Variants in FHIP1A observed in about 807,000 individuals in gnomAD.
The protein encoded by FHIP1A is FHF complex subunit HOOK interacting protein 1A, also known as FHF complex subunit HOOK-interacting protein 1A.
A neutral mutation model predicts 88.6 loss-of-function variants in FHIP1A; 61 were observed. The observed-to-expected ratio is 0.69, with a 90% CI of 0.56 to 0.85. The LOEUF is 0.85. Among genes scored for constraint, FHIP1A ranks in the 40% least tolerant of loss-of-function variants. The pLI, the probability that FHIP1A is intolerant of heterozygous loss-of-function variation, is 0.00. For missense variants in FHIP1A, 1,154 were observed against 1,273.5 expected (o/e 0.91, Z 1.43); for synonymous variants, 478 against 496.0 (o/e 0.96, Z 0.48).
At chr4:151,513,284 A>G (rs1197188891) in intron 3 of FHIP1A, among the ~76,000 whole-genome samples, 1 of 152,224 alleles carries the variant, frequency 6.6e-6, no homozygotes, top group Non-Finnish European at 1.5e-5. Flanking sequence ...GCTTGCCCTA[A>G]AAGAGCTCCT....
chr4:151,418,983 C>A (rs528177008), intron 1 of FHIP1A, among the ~76,000 whole-genome samples: 1 of 152,130 alleles, frequency 6.6e-6, no homozygotes, highest in Non-Finnish European at 1.5e-5. Flanking sequence ...CTCATGTCAC[C>A]TATCATGGTC....
At chr4:151,608,957 G>T (rs762539887) in intron 7 of FHIP1A, among the ~76,000 whole-genome samples, 1 of 152,202 alleles carries the variant, frequency 6.6e-6, no homozygotes, top group Non-Finnish European at 1.5e-5. Flanking sequence ...ATGTGTTTCG[G>T]CCTCTAATGT....
At chr4:151,426,635 G>A (rs886884703) in intron 1 of FHIP1A, among the ~76,000 whole-genome samples, 1 of 152,148 alleles carries the variant, frequency 6.6e-6, no homozygotes, top group African/African-American at 2.4e-5. Context: ...CCAGGCAGAT[G>A]AAATCAAGAA....
At chr4:151,652,403 C>A (rs1737063108) in intron 11 of FHIP1A, among the ~76,000 whole-genome samples, 2 of 152,164 alleles carry the variant, frequency 1.3e-5, no homozygotes, top group Non-Finnish European at 2.9e-5. Context: ...TTAGGCTTAA[C>A]TTCTTCTCTC....
At chr4:151,581,689 A>G (rs1714822459) in intron 5 of FHIP1A, among the ~76,000 whole-genome samples, 1 of 152,150 alleles carries the variant, frequency 6.6e-6, no homozygotes, top group Non-Finnish European at 1.5e-5. Flanking sequence ...TGACAACATA[A>G]TTAAAAAAAA....
chr4:151,472,404 C>T (rs1474525403), intron 2 of FHIP1A, among the ~76,000 whole-genome samples: 1 of 152,008 alleles, frequency 6.6e-6, no homozygotes, highest in Non-Finnish European at 1.5e-5. Context: ...ATTGACTCAA[C>T]ACTTGGTCCA....
At position 151,645,226 on chromosome 4, in the gene FHIP1A, G is replaced by T. The variant is rs1736746418; in HGVS notation, c.1227-1332G>T. Among the ~76,000 whole-genome samples the T allele has an allele frequency of 2.0e-5, 3 of 152,196 alleles. No individual in the cohort carries two copies. The South Asian group carries it at 6.2e-4, about 32-fold the overall frequency. On this transcript the variant is annotated intron_variant, in intron 9 of 13. Transcript: ENST00000435205. ...TATCTGCCCATGGAGACAGTAGGAG[G>T]AGGGGATGAGGACCGCCTTACCTAG... is the stretch of plus-strand genomic sequence containing the variant.
intron 3 of FHIP1A, chr4:151,534,964 T>G (rs1311786352): frequency 6.6e-6 from 1 of 152,282 alleles, no homozygotes; most frequent in African/African-American, 2.4e-5. Context: ...ACACCTGTAA[T>G]TCCAGCACTT....
rs562989264 is a variant in FHIP1A, at chr4:151,620,890, AC to A, written c.979-8808del. Reference sequence around the variant, plus strand: ...TACACACCGAGAATAAAAAAAAAAAACCCCACACAAAACCCCACCTTATCTA... The same window carrying A: ...TACACACCGAGAATAAAAAAAAAAAACCCACACAAAACCCCACCTTATCTA... On this transcript the variant is annotated intron_variant, in intron 7 of 13. Coordinates refer to ENST00000435205, the MANE Select transcript of FHIP1A (RefSeq NM_001109977.3). Among the ~76,000 whole-genome samples the A allele has an allele frequency of 1.2e-4, 18 of 144,478 alleles. 1 individual carries two copies. Among genetic ancestry groups the A allele is most frequent in the South Asian group, 1.1e-3 (5 of 4,448 alleles). 94.8% of individuals were successfully genotyped at this position (144,478 alleles called of 152,430 possible).
intron 7 of FHIP1A, among the ~76,000 whole-genome samples, chr4:151,605,738 G>T (rs1316787576): frequency 6.6e-6 from 1 of 152,166 alleles, no homozygotes; most frequent in African/African-American, 2.4e-5. Flanking sequence ...TCTGCATCCT[G>T]CAAGCTCAAT....
At chr4:151,653,309 G>A (rs973406576) in intron 11 of FHIP1A, among the ~76,000 whole-genome samples, 3 of 151,900 alleles carry the variant, frequency 2.0e-5, no homozygotes, top group South Asian at 4.2e-4. Flanking sequence ...CACGAGGTGT[G>A]GTCTCTAGGG....
intron 2 of FHIP1A, among the ~76,000 whole-genome samples, chr4:151,462,076 C>A (rs893611347): frequency 1.3e-5 from 2 of 152,030 alleles, no homozygotes; most frequent in South Asian, 4.2e-4. Context: ...TTGGTAGGAC[C>A]CCTTGAGCTG....
intron 13 of FHIP1A, among the ~76,000 whole-genome samples, chr4:151,661,346 T>A (rs1358655937): frequency 6.6e-6 from 1 of 151,908 alleles, no homozygotes; most frequent in African/African-American, 2.4e-5. Context: ...CAGTTCTTTA[T>A]GGCATTAAAG....
intron 1 of FHIP1A, among the ~76,000 whole-genome samples, chr4:151,446,649 A>G (rs567161936): frequency 6.6e-6 from 1 of 150,502 alleles, no homozygotes; most frequent in Non-Finnish European, 1.5e-5. Context: ...GTGCTTTAAA[A>G]AGTTTAGAGT....
At chr4:151,415,911 T>A (rs1281046216) in intron 1 of FHIP1A, among the ~76,000 whole-genome samples, 1 of 152,120 alleles carries the variant, frequency 6.6e-6, no homozygotes, top group African/African-American at 2.4e-5. Flanking sequence ...CAGCTGTTGG[T>A]TGAGCTGCTA....
At chr4:151,482,242 A>C (rs1729920900) in intron 2 of FHIP1A, among the ~76,000 whole-genome samples, 1 of 152,114 alleles carries the variant, frequency 6.6e-6, no homozygotes, top group Admixed American at 6.6e-5. Context: ...TTTCACTCCC[A>C]AAAGAAGCAT....
intron 3 of FHIP1A, among the ~76,000 whole-genome samples, chr4:151,557,907 G>A (rs1733014831): frequency 6.6e-6 from 1 of 152,186 alleles, no homozygotes; most frequent in African/African-American, 2.4e-5. Flanking sequence ...TGTATGCTGA[G>A]CTAGACTTAC....
chr4:151,490,571 A>C (rs761115577), intron 3 of FHIP1A, among the ~76,000 whole-genome samples: 10 of 152,206 alleles, frequency 6.6e-5, no homozygotes, highest in South Asian at 2.1e-4. Flanking sequence ...GAACCAGAAA[A>C]GGAATTCTGG....
intron 3 of FHIP1A, among the ~76,000 whole-genome samples, chr4:151,560,436 AC>A (rs1733129386): frequency 6.6e-6 from 1 of 152,180 alleles, no homozygotes; most frequent in African/African-American, 2.4e-5. Flanking sequence ...TTTTCCAGGA[AC>A]ATTTTTTGAA....
Sources: gnomAD v4.1 joint callset for allele counts (sites outside exome capture counted in the v4.1 genomes callset) on GRCh38, gnomAD v4.1.1 for gene constraint, MANE v1.5 for transcripts, NCBI Gene and HGNC (gene_info 2026-07-23, HGNC 2026-07-21) for gene names.